Variants in MALL observed in about 807,000 individuals in gnomAD.
MALL encodes mal, T cell differentiation protein like.
MALL carries 2 observed loss-of-function variants against 10.3 expected under a neutral mutation model. The observed-to-expected ratio is 0.19, with a 90% CI of 0.08 to 0.61. MALL has a LOEUF of 0.61. MALL is among the 20% of genes least tolerant of loss of function. MALL has a pLI of 0.88. For synonymous variants in MALL, 27 were observed against 51.8 expected, an observed-to-expected ratio of 0.52 and a Z score of 2.05; for missense variants, 39 against 115.2, an observed-to-expected ratio of 0.34 and a Z score of 3.03.
chr2:110,114,378 C>G (rs1678865565), intron 1 of MALL, among the ~76,000 whole-genome samples: 1 of 151,996 alleles, frequency 6.6e-6, no homozygotes, highest in Non-Finnish European at 1.5e-5. Context: ...CAGGGGCTTG[C>G]AGGACTGACA....
intron 1 of MALL, among the ~76,000 whole-genome samples, chr2:110,114,299 G>C (rs1335630301): frequency 6.6e-6 from 1 of 152,064 alleles, no homozygotes; most frequent in African/African-American, 2.4e-5. Context: ...CCATCCACTT[G>C]TTGGGAGGAA....
At chr2:110,102,193 G>C (rs1214577693) in intron 1 of MALL, among the ~76,000 whole-genome samples, 1 of 152,116 alleles carries the variant, frequency 6.6e-6, no homozygotes, top group African/African-American at 2.4e-5. Flanking sequence ...TAGGCACCGG[G>C]TCACTTAGTT....
chr2:110,097,161 G>A (rs1358724218), intron 1 of MALL, among the ~76,000 whole-genome samples: 1 of 151,094 alleles, frequency 6.6e-6, no homozygotes, highest in East Asian at 1.9e-4. Flanking sequence ...AATTTGTAAA[G>A]GCACAGACCA....
At chr2:110,106,192 A>C (rs1559032332) in intron 1 of MALL, among the ~76,000 whole-genome samples, 1 of 152,226 alleles carries the variant, frequency 6.6e-6, no homozygotes, top group Non-Finnish European at 1.5e-5. Flanking sequence ...AGTTAAAATA[A>C]TTTATTGGAG....
At chr2:110,114,196 T>G (rs949884828) in intron 1 of MALL, among the ~76,000 whole-genome samples, 1 of 152,002 alleles carries the variant, frequency 6.6e-6, no homozygotes, top group Non-Finnish European at 1.5e-5. Flanking sequence ...CCCCAGCCTG[T>G]AAATGCCTGT....
chr2:110,117,521 A>G (rs1678941046), upstream of MALL, among the ~76,000 whole-genome samples: 1 of 150,802 alleles, frequency 6.6e-6, no homozygotes, highest in African/African-American at 2.4e-5. Flanking sequence ...GCTAAAGACC[A>G]GGGTTTTCAT....
chr2:110,108,926 ATATC>A (rs1307296329), intron 1 of MALL, among the ~76,000 whole-genome samples: 4 of 152,174 alleles, frequency 2.6e-5, no homozygotes, highest in Non-Finnish European at 5.9e-5. Flanking sequence ...CAAGAATTTC[ATATC>A]TAGCAAAACT....
intron 1 of MALL, among the ~76,000 whole-genome samples, chr2:110,096,169 G>C (rs1341973892): frequency 1.3e-5 from 2 of 152,112 alleles, no homozygotes; most frequent in African/African-American, 4.8e-5. Flanking sequence ...AAAGCCCCAG[G>C]GTCTGGGGTC....
At chr2:110,107,595 C>A (rs1297407617) in intron 1 of MALL, among the ~76,000 whole-genome samples, 1 of 152,250 alleles carries the variant, frequency 6.6e-6, no homozygotes, top group South Asian at 2.1e-4. Context: ...TCTGATGGTC[C>A]TTCCCTATCC....
intron 1 of MALL, among the ~76,000 whole-genome samples, chr2:110,109,291 G>A (rs1375523291): frequency 2.6e-5 from 4 of 151,992 alleles, no homozygotes; most frequent in Admixed American, 2.6e-4. Context: ...CCAACCCTCT[G>A]CTGCCTTCAG....
At chr2:110,110,853 C>T (rs1678789175) in intron 1 of MALL, among the ~76,000 whole-genome samples, 1 of 152,118 alleles carries the variant, frequency 6.6e-6, no homozygotes, top group African/African-American at 2.4e-5. Context: ...AACAATGTAT[C>T]AAAAAGATAA....
At chr2:110,117,618 TGTGTGTGAGAGAGAGAGA>T (rs1312018012), upstream of MALL, among the ~76,000 whole-genome samples, 131 of 134,708 alleles carry the variant, frequency 9.7e-4, no homozygotes, top group African/African-American at 3.2e-3. Context: ...TGTGTGTGTG[TGTGTGTGAGAGAGAGAGA>T]GAGAGAGAGA....
In MALL at chr2:110,092,700, T is replaced by TATAATAATAATA. The variant is rs3976232; in HGVS notation, c.106-942_106-931dup. 9.1e-4 allele frequency among the ~76,000 whole-genome samples: 116 copies of TATAATAATAATA among 127,144 alleles called. 15 individuals are homozygous for TATAATAATAATA. Among genetic ancestry groups the TATAATAATAATA allele is most frequent in the Non-Finnish European group, 1.0e-3 (56 of 55,420 alleles). 83.4% of individuals were successfully genotyped at this position (127,144 alleles called of 152,430 possible). A position where few individuals can be genotyped will look rare whatever the true frequency, so the allele number is the denominator to read the frequency against. The stretch of plus-strand genomic sequence containing the variant: ...TGCACATGTACCCTAAAACTTAAAG[T>TATAATAATAATA]ATAATAATAATAATAATAATAATAA... On this transcript the variant is annotated intron_variant, in intron 1 of 3. Transcript: ENST00000272462.
chr2:110,117,202 G>C (rs143347338), upstream of MALL, among the ~76,000 whole-genome samples: 2 of 152,138 alleles, frequency 1.3e-5, no homozygotes, highest in Non-Finnish European at 2.9e-5. Context: ...CTTGTTTACA[G>C]GATTAATCCA....
chr2:110,100,302 G>C (rs1678535102), intron 1 of MALL, among the ~76,000 whole-genome samples: 1 of 152,112 alleles, frequency 6.6e-6, no homozygotes, highest in Admixed American at 6.5e-5. Flanking sequence ...AACAAAATGA[G>C]ATACTGTCTC....
intron 1 of MALL, chr2:110,097,645 C>T (rs1430339283): frequency 1.4e-5 from 6 of 433,104 alleles, no homozygotes; most frequent in South Asian, 9.8e-5. Flanking sequence ...TGCATGGTCT[C>T]AGGTCTGTGT....
upstream of MALL, among the ~76,000 whole-genome samples, chr2:110,117,479 A>T (rs1260760592): frequency 6.6e-6 from 1 of 152,100 alleles, no homozygotes; most frequent in South Asian, 2.1e-4. Context: ...CAATTAGTAT[A>T]TTAAGAAATG....
At chr2:110,098,940 C>A (rs1678504666) in intron 1 of MALL, among the ~76,000 whole-genome samples, 1 of 151,982 alleles carries the variant, frequency 6.6e-6, no homozygotes, top group African/African-American at 2.4e-5. Flanking sequence ...AGGCAGACAG[C>A]CTTGATTGTG....
At chr2:110,097,530 T>G (rs1194770317) in intron 1 of MALL, 2 of 456,094 alleles carry the variant, frequency 4.4e-6, no homozygotes, top group Non-Finnish European at 8.8e-6. Flanking sequence ...CCCTCATGGG[T>G]GGGAGAGGGG....
Sources: gnomAD v4.1 joint callset for allele counts (sites outside exome capture counted in the v4.1 genomes callset) on GRCh38, gnomAD v4.1.1 for gene constraint, MANE v1.5 for transcripts, NCBI Gene and HGNC (gene_info 2026-07-23, HGNC 2026-07-21) for gene names.